MON1B: variants seen among roughly 807,000 people sequenced by gnomAD.
The protein encoded by MON1B is vacuolar fusion protein MON1 homolog B.
In MON1B, 26 loss-of-function variants were observed where a neutral mutation model predicts 45.1. That is an observed-to-expected ratio of 0.58 (90% confidence interval 0.42 to 0.80). The LOEUF is 0.80. MON1B is among the 30% of genes least tolerant of loss of function. MON1B has a pLI of 0.00. For synonymous variants in MON1B, 395 were observed against 320.2 expected, an observed-to-expected ratio of 1.23 and a Z score of -2.49; for missense variants, 737 against 754.5, an observed-to-expected ratio of 0.98 and a Z score of 0.27.
At position 77,199,327 on chromosome 16, in the gene MON1B, C is replaced by G. The variant is rs113908772; in HGVS notation, c.*1019C>G. 2,421 of 893,164 alleles carry G rather than the reference C, an allele frequency of 2.7e-3. 35 individuals are homozygous for G. In the African/African-American group the frequency reaches 0.035, roughly 13 times the overall value. 55.3% of individuals were successfully genotyped at this position (893,164 alleles called of 1,614,324 possible). The stretch of plus-strand genomic sequence containing the variant: ...GTTCTGCGCCTGCCCAGAGCTGACT[C>G]CTGATTTAACCGCTGGCGTAACCGC... On this transcript the variant is annotated 3_prime_UTR_variant, in exon 6 of 6. Transcript: ENST00000248248.
At position 77,198,240 on chromosome 16, in the gene MON1B, A is replaced by G; in HGVS notation, c.1576A>G (p.Lys526Glu). Residue 526 changes from lysine to glutamate, a missense_variant, in exon 6 of 6, where the codon AAG (lysine) becomes GAG (glutamate). Physicochemically the swap from Lys to Glu is moderately conservative, Grantham distance 56. Coordinates refer to ENST00000248248, the MANE Select transcript of MON1B (RefSeq NM_014940.4). ...CCGGCTCTTCATTCGTTACCCACCC[A>G]AGTACTCCACACCACCAGCCACCTC... ...EDRLFIRYPP[K>E]YSTPPATSTD... 1 of 1,614,110 alleles carries G rather than the reference A, an allele frequency of 6.2e-7. No homozygotes were observed. Among genetic ancestry groups the G allele is most frequent in the Non-Finnish European group, 8.5e-7 (1 of 1,179,998 alleles).
In MON1B at chr16:77,195,240, A is replaced by G. The variant is rs1480777378; in HGVS notation, c.1295+86A>G. The G allele has an allele frequency of 3.0e-5, 39 of 1,294,282 alleles. No individual in the cohort carries two copies. In the East Asian group the frequency reaches 9.9e-4, roughly 33 times the overall value. 80.2% of individuals were successfully genotyped at this position (1,294,282 alleles called of 1,614,324 possible). ...GCATCTCAGGGATGTGACTCAGGAG[A>G]GATAACCAGCCATGCTTAAGAAAGA... On this transcript the variant is annotated intron_variant, in intron 4 of 5. Coordinates refer to ENST00000248248, the MANE Select transcript of MON1B (RefSeq NM_014940.4).
chr16:77,196,093 G>C (rs900649935), intron 5 of MON1B, among the ~76,000 whole-genome samples: 6 of 152,118 alleles, frequency 3.9e-5, no homozygotes, highest in African/African-American at 1.4e-4. Context: ...CCCTTGCTGT[G>C]CCCTCCACCT....
Position 77,194,486 on chromosome 16 carries a change from C to T in MON1B, c.627C>T (p.Ile209=). The T allele has an allele frequency of 6.2e-7, 1 of 1,614,106 alleles. No homozygotes were observed. Among genetic ancestry groups the T allele is most frequent in the Non-Finnish European group, 8.5e-7 (1 of 1,180,018 alleles). ...TTACACGTGCAAGTGTCGCCCGCAT[C>T]TTCGCACACAAGCAGAACTATGACC... ...STLTRASVAR[I]FAHKQNYDLR... The change falls in exon 4 of 6, where the codon ATC becomes ATT. Residue 209 remains isoleucine (I), a synonymous_variant. Coordinates refer to ENST00000248248, the MANE Select transcript of MON1B (RefSeq NM_014940.4). This position sits in a 1 kb window ranked among gnomAD's most constrained non-coding sequence, Gnocchi z 8.1.
Position 77,198,420 on chromosome 16 carries a change from C to G in MON1B, c.*112C>G, listed in dbSNP as rs771990344. On this transcript the variant is annotated 3_prime_UTR_variant, in exon 6 of 6. Transcript: ENST00000248248. The stretch of plus-strand genomic sequence containing the variant: ...GTGTCTGTGGCCAGTCATTGTCTCC[C>G]TAAGCAATGGGGCAAGGTCTGAGGG... 44 of 1,235,712 alleles carry G rather than the reference C, an allele frequency of 3.6e-5. No individual in the cohort carries two copies. The highest frequency in any genetic ancestry group is 7.9e-5 in the Admixed American group (4 of 50,454). The allele number at this position is 1,235,712 out of a possible 1,614,324, so 76.5% of individuals were successfully genotyped here. A position where few individuals can be genotyped will look rare whatever the true frequency, so the allele number is the denominator to read the frequency against.
Position 77,191,255 on chromosome 16 carries a change from A to T in MON1B, c.-14A>T, listed in dbSNP as rs775616728. On this transcript the variant is annotated 5_prime_UTR_variant, in exon 1 of 6. Transcript: ENST00000248248. The stretch of plus-strand genomic sequence containing the variant: ...CGGCCAATTGAGATTCGGAGTTAAA[A>T]CAGGTGTTTGTATATCTCTATTTCC... 9 of 1,538,906 alleles carry T rather than the reference A, an allele frequency of 5.8e-6. No individual in the cohort carries two copies.
In MON1B at chr16:77,198,312, T is replaced by C. The variant is rs745860660; in HGVS notation, c.*4T>C. 4.2e-5 allele frequency: 68 copies of C among 1,613,602 alleles called. No homozygotes were observed. Among genetic ancestry groups the C allele is most frequent in the Non-Finnish European group, 5.5e-5 (65 of 1,179,570 alleles). On this transcript the variant is annotated 3_prime_UTR_variant, in exon 6 of 6. Transcript: ENST00000248248. ...TGGCTTGTTCACTGGACTCTGATAG[T>C]TGGAGCTCCCAGACCAGGCAGTGCT...
chr16:77,198,188 C>G lies in MON1B; in HGVS notation c.1524C>G (p.Leu508=). 2 of 1,614,180 alleles carry G rather than the reference C, an allele frequency of 1.2e-6. No homozygotes were observed. Among genetic ancestry groups the G allele is most frequent in the Non-Finnish European group, 1.7e-6 (2 of 1,180,038 alleles). The part of the protein sequence containing the change: ...KAGAILVVTK[L]LRWVKKEEDR... ...GTGCAATCTTGGTAGTGACCAAACT[C>G]CTGCGCTGGGTGAAGAAAGAGGAGG... Residue 508 remains leucine (L), a synonymous_variant, in exon 6 of 6, where the codon CTC becomes CTG. Coordinates refer to ENST00000248248, the MANE Select transcript of MON1B (RefSeq NM_014940.4).
chr16:77,194,045 T>G lies in MON1B; in HGVS notation c.475+268T>G. The G allele has an allele frequency of 3.3e-6, 2 of 599,548 alleles. No individual in the cohort carries two copies. The highest frequency in any genetic ancestry group is 4.0e-5 in the South Asian group (2 of 49,984). The allele number at this position is 599,548 out of a possible 1,614,324, so 37.1% of individuals were successfully genotyped here. On this transcript the variant is annotated intron_variant, in intron 3 of 5. Transcript: ENST00000248248. This position sits in a 1 kb window ranked among gnomAD's most constrained non-coding sequence, Gnocchi z 8.1. The stretch of plus-strand genomic sequence containing the variant: ...GAGGATAACTGTGGGGGCTGTGTGG[T>G]TGAGCTGTGTCTTTCTGGCTCTGTG...
rs919660083 is a variant in MON1B, at chr16:77,194,320, C to T, written c.476-15C>T. The T allele has an allele frequency of 1.4e-5, 22 of 1,598,542 alleles. No homozygotes were observed. The highest frequency in any genetic ancestry group is 1.8e-5 in the Non-Finnish European group (21 of 1,177,464). ...ATCCAGCTGTACCCCCCCTTCTTAC[C>T]CCTTCCTTCCCTAGAGGACCACAAG... On this transcript the variant is annotated splice_polypyrimidine_tract_variant and intron_variant, in intron 3 of 5. Coordinates refer to ENST00000248248, the MANE Select transcript of MON1B (RefSeq NM_014940.4). The surrounding 1 kb of genome is among the most constrained non-coding windows in gnomAD (Gnocchi z 8.1).
Position 77,198,093 on chromosome 16 carries a change from C to T in MON1B, c.1444-15C>T, listed in dbSNP as rs2054684978. The stretch of plus-strand genomic sequence containing the variant: ...GCTCTGGCCCATCTGACTCTGTCTC[C>T]TCCGAAACCCCCAGGTGACCTCCAA... On this transcript the variant is annotated splice_polypyrimidine_tract_variant and intron_variant, in intron 5 of 5. Coordinates refer to ENST00000248248, the MANE Select transcript of MON1B (RefSeq NM_014940.4). The T allele has an allele frequency of 1.2e-6, 2 of 1,613,238 alleles. No homozygotes were observed. Among genetic ancestry groups the T allele is most frequent in the Non-Finnish European group, 1.7e-6 (2 of 1,179,532 alleles).
At position 77,191,544 on chromosome 16, in the gene MON1B, A is replaced by T. The variant is rs772468926; in HGVS notation, c.59A>T (p.Asp20Val). 1.2e-6 allele frequency: 2 copies of T among 1,609,620 alleles called. No individual in the cohort carries two copies. Among genetic ancestry groups the T allele is most frequent in the Non-Finnish European group, 1.7e-6 (2 of 1,178,834 alleles). Residue 20 changes from aspartate to valine, a missense_variant, in exon 2 of 6, where the codon GAC (aspartate) becomes GTC (valine). Coordinates refer to ENST00000248248, the MANE Select transcript of MON1B (RefSeq NM_014940.4). Reference protein sequence around the residue: ...PAPGGAEDLEDTQFPSEEARE... With the variant: ...PAPGGAEDLEVTQFPSEEARE... ...CCCGGGGGCGCGGAGGACTTGGAGG[A>T]CACGCAGTTCCCCAGTGAGGAAGCT...
Position 77,198,636 on chromosome 16 carries a change from T to G in MON1B, c.*328T>G. ...TCCAAACTTGCTTCCGTGGTCTGCC[T>G]CCTAGTTGAATCTCAGCCCTGAGTG... On this transcript the variant is annotated 3_prime_UTR_variant, in exon 6 of 6. Transcript: ENST00000248248. 1 of 361,430 alleles carries G rather than the reference T, an allele frequency of 2.8e-6. No homozygotes were observed. Among genetic ancestry groups the G allele is most frequent in the Non-Finnish European group, 5.2e-6 (1 of 191,900 alleles). 22.4% of individuals were successfully genotyped at this position (361,430 alleles called of 1,614,324 possible).
rs1170558687 is a variant in MON1B at position 77,194,340 on chromosome 16, C to T, written c.481C>T (p.His161Tyr). ...CTTACCCCTTCCTTCCCTAGAGGAC[C>T]ACAAGCTGGTGTTCCTACAACAGGG... Reference protein sequence around the residue: ...DAIRAIYAEDHKLVFLQQGPL... With the variant: ...DAIRAIYAEDYKLVFLQQGPL... The change falls in exon 4 of 6, where the codon CAC (histidine) becomes TAC (tyrosine). Residue 161 changes from histidine (H) to tyrosine (Y), a missense_variant. Physicochemically the swap from His to Tyr is moderately conservative, Grantham distance 83. Coordinates refer to ENST00000248248, the MANE Select transcript of MON1B (RefSeq NM_014940.4). The surrounding 1 kb of genome is among the most constrained non-coding windows in gnomAD (Gnocchi z 8.1). 1.2e-6 allele frequency: 2 copies of T among 1,604,586 alleles called. No individual in the cohort carries two copies. The highest frequency in any genetic ancestry group is 1.7e-5 in the Admixed American group (1 of 60,010).
rs1478436496 is a variant in MON1B, at chr16:77,199,340, C to G, written c.*1032C>G. On this transcript the variant is annotated 3_prime_UTR_variant, in exon 6 of 6. Transcript: ENST00000248248. ...CCAGAGCTGACTCCTGATTTAACCG[C>G]TGGCGTAACCGCGGGTTGCACGCAT... The G allele has an allele frequency of 1.8e-5, 19 of 1,061,718 alleles. No individual in the cohort carries two copies. The highest frequency in any genetic ancestry group is 3.0e-4 in the Middle Eastern group (1 of 3,380). The allele number at this position is 1,061,718 out of a possible 1,614,324, so 65.8% of individuals were successfully genotyped here.
At chr16:77,197,789 G>A (rs748853307) in intron 5 of MON1B, among the ~76,000 whole-genome samples, 1 of 152,144 alleles carries the variant, frequency 6.6e-6, no homozygotes, top group Non-Finnish European at 1.5e-5. Flanking sequence ...GGAGCTTAGA[G>A]CAGGACCTTG....
chr16:77,194,379 G>A lies in MON1B; in HGVS notation c.520G>A (p.Val174Met), dbSNP rs750058319. The stretch of plus-strand genomic sequence containing the variant: ...CCTACAACAGGGCCCACTGTTGCTC[G>A]TGGCCATGTCACGGACTTCTCAGTC... ...VFLQQGPLLLVAMSRTSQSAA... is the reference protein window; with the variant it reads ...VFLQQGPLLLMAMSRTSQSAA... Residue 174 changes from valine (V) to methionine (M), a missense_variant, in exon 4 of 6, where the codon GTG becomes ATG. By Grantham distance (21) the Val-to-Met change is conservative. Coordinates refer to ENST00000248248, the MANE Select transcript of MON1B (RefSeq NM_014940.4). This position sits in a 1 kb window ranked among gnomAD's most constrained non-coding sequence, Gnocchi z 8.1. 3.1e-6 allele frequency: 5 copies of A among 1,611,482 alleles called. No individual in the cohort carries two copies. Among genetic ancestry groups the A allele is most frequent in the Admixed American group, 1.7e-5 (1 of 60,024 alleles).
Position 77,198,028 on chromosome 16 carries a change from C to A in MON1B, c.1444-80C>A. 4 of 1,399,510 alleles carry A rather than the reference C, an allele frequency of 2.9e-6. No homozygotes were observed. In the Admixed American group the frequency reaches 5.2e-5, roughly 18 times the overall value. 86.7% of individuals were successfully genotyped at this position (1,399,510 alleles called of 1,614,324 possible). On this transcript the variant is annotated intron_variant, in intron 5 of 5. Coordinates refer to ENST00000248248, the MANE Select transcript of MON1B (RefSeq NM_014940.4). ...CATGTTCCAGGTTGCAGGAGGCAGA[C>A]ATGCAGCTGCACTGGGGTAGGCAGG...
chr16:77,195,490 A>C (rs1202859434), intron 4 of MON1B, 45 bp from the exon 5 acceptor site: 26 of 1,566,332 alleles, frequency 1.7e-5, no homozygotes, highest in Non-Finnish European at 2.2e-5. Context: ...CCAGCCAAGA[A>C]GGCCCTGGAC....
Sources: allele counts gnomAD v4.1 joint callset (sites outside exome capture counted in the v4.1 genomes callset), GRCh38; gene constraint gnomAD v4.1.1; non-coding constraint Gnocchi (gnomAD v3.1); transcripts MANE v1.5; gene names NCBI Gene and HGNC (gene_info 2026-07-23, HGNC 2026-07-21).